Variants in CDK6 observed in about 807,000 individuals in gnomAD.
CDK6 encodes the protein cyclin-dependent kinase 6.
CDK6 carries 6 observed loss-of-function variants against 37.1 expected under a neutral mutation model. The observed-to-expected ratio is 0.16, with a 90% CI of 0.09 to 0.32. CDK6 has a LOEUF of 0.32. Among genes scored for constraint, CDK6 ranks in the 10% least tolerant of loss-of-function variants. CDK6 has a pLI of 1.00. For synonymous variants in CDK6, 160 were observed against 161.3 expected (o/e 0.99, Z 0.06); for missense variants, 224 against 418.9 (o/e 0.53, Z 4.06).
intron 3 of CDK6, among the ~76,000 whole-genome samples, chr7:92,741,828 A>C (rs1431571704): frequency 2.0e-5 from 3 of 152,218 alleles, no homozygotes; most frequent in Non-Finnish European, 2.9e-5. Context: ...TTTCTAAATT[A>C]TAAACAGCAC....
chr7:92,750,265 C>T (rs942254141), intron 3 of CDK6, among the ~76,000 whole-genome samples: 51 of 152,286 alleles, frequency 3.3e-4, no homozygotes, highest in African/African-American at 1.1e-3. Flanking sequence ...CAACTCACCA[C>T]CCTCTTCGGG....
intron 3 of CDK6, among the ~76,000 whole-genome samples, chr7:92,755,682 CA>C (rs1799299082): frequency 6.6e-6 from 1 of 152,212 alleles, no homozygotes; most frequent in East Asian, 1.9e-4. Flanking sequence ...CTCCAATCTC[CA>C]AAGTGCATTA....
At chr7:92,772,178 G>C (rs943717784) in intron 3 of CDK6, among the ~76,000 whole-genome samples, 2 of 152,056 alleles carry the variant, frequency 1.3e-5, no homozygotes, top group African/African-American at 4.8e-5. Flanking sequence ...AATAAGGAAG[G>C]AAAGTAGGTT....
intron 4 of CDK6, among the ~76,000 whole-genome samples, chr7:92,691,674 T>C (rs748127796): frequency 6.6e-6 from 1 of 152,174 alleles, no homozygotes; most frequent in African/African-American, 2.4e-5. Context: ...CAGAACTATA[T>C]AGATTACACG....
intron 4 of CDK6, among the ~76,000 whole-genome samples, chr7:92,723,771 T>C (rs978837546): frequency 3.3e-5 from 5 of 152,180 alleles, no homozygotes. Flanking sequence ...AACTAGATAC[T>C]GAAAAATTGT....
chr7:92,702,813 G>A (rs1170544937), intron 4 of CDK6, among the ~76,000 whole-genome samples: 4 of 152,144 alleles, frequency 2.6e-5, no homozygotes, highest in East Asian at 1.9e-4. Flanking sequence ...CTACACGGGG[G>A]TAGCCAGGCA....
At chr7:92,787,808 C>A (rs1277617777) in intron 2 of CDK6, among the ~76,000 whole-genome samples, 1 of 151,800 alleles carries the variant, frequency 6.6e-6, no homozygotes, top group Non-Finnish European at 1.5e-5. Context: ...CTTAAATAAA[C>A]CAAGAAAAAA....
At chr7:92,657,666 C>T (rs17164683) in intron 5 of CDK6, among the ~76,000 whole-genome samples, 43,515 of 152,034 alleles carry the variant, frequency 0.29, 6,611 homozygotes, top group Middle Eastern at 0.39. Context: ...GTCTCTTATG[C>T]ATCAAACCAA....
chr7:92,787,946 T>C (rs1455549890), intron 2 of CDK6, among the ~76,000 whole-genome samples: 1 of 152,098 alleles, frequency 6.6e-6, no homozygotes, highest in African/African-American at 2.4e-5. Flanking sequence ...TTAAATTAGA[T>C]CTATTAGAGC....
chr7:92,794,591 G>A (rs1006505137), intron 2 of CDK6, among the ~76,000 whole-genome samples: 1 of 151,982 alleles, frequency 6.6e-6, no homozygotes, highest in Non-Finnish European at 1.5e-5. Flanking sequence ...TGTCCATCTG[G>A]TGACGTCCCT....
intron 5 of CDK6, among the ~76,000 whole-genome samples, chr7:92,651,173 A>C (rs1037024402): frequency 1.3e-5 from 2 of 152,198 alleles, no homozygotes; most frequent in Non-Finnish European, 2.9e-5. Context: ...TACAGGCGTA[A>C]GCCACGGTGC....
chr7:92,815,964 C>T (rs2115960766), intron 2 of CDK6, among the ~76,000 whole-genome samples: 1 of 152,184 alleles, frequency 6.6e-6, no homozygotes, highest in Middle Eastern at 3.4e-3. Flanking sequence ...CTTAGTAGGG[C>T]TAAACTAGCC....
At chr7:92,662,381 A>G (rs1342498362) in intron 5 of CDK6, among the ~76,000 whole-genome samples, 1 of 152,066 alleles carries the variant, frequency 6.6e-6, no homozygotes, top group African/African-American at 2.4e-5. Context: ...CCTAGCATGG[A>G]AGTGGGTCTC....
chr7:92,621,325 A>G (rs1261522990), intron 6 of CDK6, among the ~76,000 whole-genome samples: 2 of 152,242 alleles, frequency 1.3e-5, no homozygotes, highest in Non-Finnish European at 2.9e-5. Context: ...GCTGTTGGCA[A>G]CCTACGATTG....
intron 2 of CDK6, among the ~76,000 whole-genome samples, chr7:92,817,045 T>C (rs183451962): frequency 6.6e-6 from 1 of 152,128 alleles, no homozygotes; most frequent in East Asian, 1.9e-4. Context: ...ATATAATTTG[T>C]AGTTAATAAC....
chr7:92,801,043 C>T (rs1367837982), intron 2 of CDK6, among the ~76,000 whole-genome samples: 2 of 152,116 alleles, frequency 1.3e-5, no homozygotes, highest in Non-Finnish European at 2.9e-5. Flanking sequence ...ATCTGTTTTA[C>T]CTTTACAAGC....
At chr7:92,749,817 C>A (rs181974635) in intron 3 of CDK6, among the ~76,000 whole-genome samples, 1 of 152,106 alleles carries the variant, frequency 6.6e-6, no homozygotes, top group African/African-American at 2.4e-5. Flanking sequence ...TTGACAAATA[C>A]GCAAGTGATT....
At chr7:92,680,164 G>A (rs1797299223) in intron 4 of CDK6, among the ~76,000 whole-genome samples, 1 of 151,348 alleles carries the variant, frequency 6.6e-6, no homozygotes, top group African/African-American at 2.4e-5. Context: ...CAGGTGTGGT[G>A]GCTCACACCT....
chr7:92,695,525 G>A (rs757084253), intron 4 of CDK6, among the ~76,000 whole-genome samples: 10 of 152,154 alleles, frequency 6.6e-5, no homozygotes, highest in Non-Finnish European at 1.0e-4. Context: ...TAAGAGCAGC[G>A]GCTAAGTTCC....
Sources: allele counts gnomAD v4.1 joint callset (sites outside exome capture counted in the v4.1 genomes callset), GRCh38; gene constraint gnomAD v4.1.1; transcripts MANE v1.5; gene names NCBI Gene and HGNC (gene_info 2026-07-23, HGNC 2026-07-21).